EIF5B: variants seen among roughly 807,000 people sequenced by gnomAD.
The protein encoded by EIF5B is eukaryotic translation initiation factor 5B.
EIF5B carries 47 observed loss-of-function variants against 147.5 expected under a neutral mutation model. That is an observed-to-expected ratio of 0.32 (90% confidence interval 0.25 to 0.41). EIF5B has a LOEUF of 0.41. Ranked by LOEUF, EIF5B falls within the 10% of genes least tolerant of loss-of-function variation. The probability of loss-of-function intolerance (pLI) is 1.00; values close to 1 mark genes in which losing one functional copy is unlikely to be tolerated. For missense variants in EIF5B, 1,064 were observed against 1,413.2 expected, an observed-to-expected ratio of 0.75 and a Z score of 3.96; for synonymous variants, 455 against 456.2, an observed-to-expected ratio of 1.00 and a Z score of 0.03.
rs1297052113 is a variant in EIF5B, at chr2:99,371,638, G to A, written c.1478-18G>A. 4 of 1,604,480 alleles carry A rather than the reference G, an allele frequency of 2.5e-6. No individual in the cohort carries two copies. Among genetic ancestry groups the A allele is most frequent in the Non-Finnish European group, 3.4e-6 (4 of 1,176,428 alleles). Reference sequence around the variant, plus strand: ...TCTAAATAATTTTTGTGTCTTAAATGCAAATTTTTACTTACAGAAGAAGAA... The same window carrying A: ...TCTAAATAATTTTTGTGTCTTAAATACAAATTTTTACTTACAGAAGAAGAA... On this transcript the variant is annotated intron_variant, in intron 8 of 23. Transcript: ENST00000289371.
rs368169934 is a variant in EIF5B, at chr2:99,382,264, A to G, written c.2129+38A>G. ...TGAGTCTTTTCTCATCAAGCAATCT[A>G]CTTGAAACCATTAAGTCTAAAAGTT... On this transcript the variant is annotated intron_variant, in intron 13 of 23. Coordinates refer to ENST00000289371, the MANE Select transcript of EIF5B (RefSeq NM_015904.4). 18 of 1,562,942 alleles carry G rather than the reference A, an allele frequency of 1.2e-5. No individual in the cohort carries two copies. The East Asian group carries it at 1.3e-4, about 12-fold the overall frequency.
chr2:99,398,520 C>T, intron 22 of EIF5B: 1 of 387,816 alleles, frequency 2.6e-6, no homozygotes, highest in East Asian at 4.6e-5. Flanking sequence ...GAATGTTTTG[C>T]AAAGCACATT....
At position 99,390,322 on chromosome 2, in the gene EIF5B, A is replaced by G. The variant is rs759351137; in HGVS notation, c.2507A>G (p.Tyr836Cys). ...GGTGATGGCATGGGAAGTCTGATCT[A>G]CCTTCTTGTAGAGTTAACTCAGACC... ...HTGDGMGSLI[Y>C]LLVELTQTML... The change falls in exon 16 of 24, where the codon TAC becomes TGC. Residue 836 changes from tyrosine (Y) to cysteine (C), a missense_variant. Tyr to Cys is a radical substitution (Grantham distance 194). Coordinates refer to ENST00000289371, the MANE Select transcript of EIF5B (RefSeq NM_015904.4). 1 of 1,613,966 alleles carries G rather than the reference A, an allele frequency of 6.2e-7. No individual in the cohort carries two copies. The highest frequency in any genetic ancestry group is 1.1e-5 in the South Asian group (1 of 91,078).
intron 1 of EIF5B, among the ~76,000 whole-genome samples, chr2:99,355,312 T>C (rs1443002083): frequency 1.3e-5 from 2 of 152,182 alleles, no homozygotes; most frequent in Non-Finnish European, 2.9e-5. Flanking sequence ...CTTGTCTCTA[T>C]TGGTTATGTC....
At chr2:99,384,789 T>C (rs1228802735) in intron 14 of EIF5B, among the ~76,000 whole-genome samples, 1 of 152,218 alleles carries the variant, frequency 6.6e-6, no homozygotes, top group African/African-American at 2.4e-5. Context: ...AAGATGTAGC[T>C]GAATTGCTGC....
intron 4 of EIF5B, among the ~76,000 whole-genome samples, chr2:99,362,733 C>T (rs750488751): frequency 6.6e-6 from 1 of 151,940 alleles, no homozygotes; most frequent in Non-Finnish European, 1.5e-5. Flanking sequence ...TTTCTTTTGA[C>T]TGGAAAACTT....
intron 6 of EIF5B, among the ~76,000 whole-genome samples, chr2:99,366,064 T>G (rs1674321441): frequency 6.6e-6 from 1 of 150,568 alleles, no homozygotes. Flanking sequence ...TCAGTCATCC[T>G]TTAGCCTGTG....
chr2:99,394,935 G>C, intron 21 of EIF5B, 52 bp downstream of exon 21: 1 of 1,456,482 alleles, frequency 6.9e-7, no homozygotes, highest in South Asian at 1.4e-5. Context: ...ACATGATTGA[G>C]AATTACTGAA....
At position 99,401,197 on chromosome 2, in the gene EIF5B, C is replaced by T. The variant is rs756100486; in HGVS notation, c.*1783C>T. The T allele has an allele frequency of 1.2e-5, 15 of 1,237,736 alleles. No homozygotes were observed. The South Asian group carries it at 1.7e-4, about 14-fold the overall frequency. 76.7% of individuals were successfully genotyped at this position (1,237,736 alleles called of 1,614,324 possible). On this transcript the variant is annotated 3_prime_UTR_variant, in exon 24 of 24. Transcript: ENST00000289371. ...GCACTTTGCAAATACCTCACAAGCA[C>T]TTATGGCACAGCTATCAGAGAGCAT...
At chr2:99,383,009 C>T in intron 14 of EIF5B, 88 bp downstream of exon 14, 1 of 1,363,168 alleles carries the variant, frequency 7.3e-7, no homozygotes, top group Non-Finnish European at 9.8e-7. Context: ...AACTTACAAG[C>T]ATAGCTCATT....
At chr2:99,396,105 C>T (rs1331182038) in intron 21 of EIF5B, among the ~76,000 whole-genome samples, 3 of 152,090 alleles carry the variant, frequency 2.0e-5, no homozygotes, top group East Asian at 3.9e-4. Flanking sequence ...GGAGTGATGG[C>T]GTAGTTTGGG....
intron 21 of EIF5B, among the ~76,000 whole-genome samples, chr2:99,395,830 CAG>C (rs1205468539): frequency 6.6e-6 from 1 of 152,094 alleles, no homozygotes; most frequent in Non-Finnish European, 1.5e-5. Flanking sequence ...CAGTGCGAGG[CAG>C]AGTGACCAGA....
intron 1 of EIF5B, among the ~76,000 whole-genome samples, chr2:99,340,122 A>G (rs1402095959): frequency 1.3e-5 from 2 of 152,234 alleles, no homozygotes; most frequent in South Asian, 2.1e-4. Context: ...GAGCTTTAGC[A>G]GAGTTCCCTT....
intron 1 of EIF5B, among the ~76,000 whole-genome samples, chr2:99,357,247 T>C (rs866242949): frequency 6.6e-6 from 1 of 152,208 alleles, no homozygotes. Flanking sequence ...GTGTAAACTG[T>C]AGGAATTTCA....
intron 1 of EIF5B, among the ~76,000 whole-genome samples, chr2:99,347,473 T>A (rs772749964): frequency 1.5e-4 from 23 of 151,976 alleles, no homozygotes; most frequent in Non-Finnish European, 3.4e-4. Flanking sequence ...TCAGTAGATC[T>A]GGGGTGAGGG....
At chr2:99,397,931 G>A (rs12474305) in intron 22 of EIF5B, 1 of 147,958 alleles carries the variant, frequency 6.8e-6, no homozygotes, top group Non-Finnish European at 1.5e-5. Flanking sequence ...GACTCAGTGG[G>A]TTTTTTTTTT....
chr2:99,341,743 TAAA>T (rs1407756868), intron 1 of EIF5B, among the ~76,000 whole-genome samples: 1 of 152,178 alleles, frequency 6.6e-6, no homozygotes, highest in African/African-American at 2.4e-5. Context: ...AATTTAAAAA[TAAA>T]AATAAACTTA....
chr2:99,368,646 A>T, intron 7 of EIF5B, 55 bp downstream of exon 7: 1 of 1,349,530 alleles, frequency 7.4e-7, no homozygotes, highest in Non-Finnish European at 1.0e-6. Context: ...CCTTTCCCCC[A>T]CAATCTTCAA....
In EIF5B at chr2:99,369,495, T is replaced by C. The variant is rs190344766; in HGVS notation, c.1477+14T>C. On this transcript the variant is annotated intron_variant, in intron 8 of 23. Transcript: ENST00000289371. ...CTGTTGAACCAGGCGGGTAGTGTTA[T>C]CTGATTATTTAATTAGTGAATTCTT... 368 of 1,587,666 alleles carry C rather than the reference T, an allele frequency of 2.3e-4. 1 individual carries two copies. The African/African-American group carries it at 4.7e-3, about 20-fold the overall frequency.
Sources: allele counts gnomAD v4.1 joint callset (sites outside exome capture counted in the v4.1 genomes callset), GRCh38; gene constraint gnomAD v4.1.1; transcripts MANE v1.5; gene names NCBI Gene and HGNC (gene_info 2026-07-23, HGNC 2026-07-21).